The following ABCC4 variants were observed in gnomAD, a reference collection of about 807,000 sequenced individuals.
The protein encoded by ABCC4 is ATP binding cassette subfamily C member 4 (PEL blood group).
A neutral mutation model predicts 168.5 loss-of-function variants in ABCC4; 102 were observed. The ratio of observed to expected loss-of-function variants is 0.61; its 90% CI spans 0.52 to 0.71. ABCC4 has a LOEUF of 0.71. Ranked by LOEUF, ABCC4 falls within the 30% of genes least tolerant of loss-of-function variation. The pLI is 0.00. For missense variants in ABCC4, 1,402 were observed against 1,605.8 expected (o/e 0.87, Z 2.17); for synonymous variants, 617 against 590.7 (o/e 1.04, Z -0.65).
intron 29 of ABCC4, among the ~76,000 whole-genome samples, chr13:95,036,153 G>A (rs1380053262): frequency 2.0e-5 from 3 of 152,206 alleles, no homozygotes; most frequent in East Asian, 1.9e-4. Context: ...TCCTCCTGAC[G>A]AGGAAGGAAA....
intron 11 of ABCC4, among the ~76,000 whole-genome samples, chr13:95,181,238 T>C (rs377740722): frequency 6.6e-6 from 1 of 152,138 alleles, no homozygotes; most frequent in East Asian, 1.9e-4. Flanking sequence ...ACATCAACCA[T>C]GGTGACACTA....
At chr13:95,205,958 A>T (rs557302607) in intron 8 of ABCC4, among the ~76,000 whole-genome samples, 8 of 152,364 alleles carry the variant, frequency 5.3e-5, no homozygotes, top group African/African-American at 1.9e-4. Context: ...TCTGGCAGAG[A>T]TAGGTTCATC....
chr13:95,120,941 G>A (rs1025832009), intron 19 of ABCC4, among the ~76,000 whole-genome samples: 2 of 152,182 alleles, frequency 1.3e-5, no homozygotes, highest in African/African-American at 4.8e-5. Flanking sequence ...TGGGAGGGGA[G>A]GAAGCCATTT....
In ABCC4 at chr13:95,256,781, C is replaced by A. The variant is rs59178009; in HGVS notation, c.75-9028G>T. 4.4e-3 allele frequency among the ~76,000 whole-genome samples: 659 copies of A among 149,418 alleles called. 4 individuals are homozygous for A. Among genetic ancestry groups the A allele is most frequent in the African/African-American group, 0.015 (630 of 40,852 alleles). On this transcript the variant is annotated intron_variant, in intron 1 of 30. Transcript: ENST00000645237. ...TCAAAAAAAAAGAAAAAAGAAAAATCAAAAAAAAAATCTGGACATTAATTA... is the reference window on the plus strand; with the variant it reads ...TCAAAAAAAAAGAAAAAAGAAAAATAAAAAAAAAAATCTGGACATTAATTA...
At chr13:95,254,738 C>T (rs1262700393) in intron 1 of ABCC4, among the ~76,000 whole-genome samples, 1 of 152,212 alleles carries the variant, frequency 6.6e-6, no homozygotes, top group Non-Finnish European at 1.5e-5. Context: ...AAGGCTCACC[C>T]TCTGCCCCTG....
At chr13:95,196,808 T>C (rs907614958) in intron 8 of ABCC4, among the ~76,000 whole-genome samples, 3 of 152,008 alleles carry the variant, frequency 2.0e-5, no homozygotes, top group African/African-American at 7.3e-5. Context: ...CGGCAATCAT[T>C]TGTGATACTG....
intron 30 of ABCC4, among the ~76,000 whole-genome samples, chr13:95,029,811 A>G (rs1418942736): frequency 6.6e-6 from 1 of 152,204 alleles, no homozygotes; most frequent in Non-Finnish European, 1.5e-5. Flanking sequence ...CATTTAATAC[A>G]TGTTAACAGT....
intron 30 of ABCC4, among the ~76,000 whole-genome samples, chr13:95,027,503 G>C (rs2031606796): frequency 1.3e-5 from 2 of 152,074 alleles, no homozygotes; most frequent in Non-Finnish European, 2.9e-5. Flanking sequence ...TGTAGCCTGA[G>C]GTTTAAAAAG....
At chr13:95,263,315 G>T (rs890528126) in intron 1 of ABCC4, among the ~76,000 whole-genome samples, 2 of 152,052 alleles carry the variant, frequency 1.3e-5, no homozygotes, top group African/African-American at 4.8e-5. Flanking sequence ...CCTGTATTTC[G>T]CCTGGAAGCA....
rs34133084 is a variant in ABCC4 at position 95,247,918 on chromosome 13, G to GCACACACACACACA, written c.75-179_75-166dup. On this transcript the variant is annotated intron_variant, in intron 1 of 30. Coordinates refer to ENST00000645237, the MANE Select transcript of ABCC4 (RefSeq NM_005845.5). ...GCTAGAGAGAGAAAAGTTAACATGT[G>GCACACACACACACA]CACACACACACACACACACACAGTC... 9.3e-3 allele frequency among the ~76,000 whole-genome samples: 1,327 copies of GCACACACACACACA among 142,588 alleles called. 14 individuals carry two copies. Among genetic ancestry groups the GCACACACACACACA allele is most frequent in the Middle Eastern group, 0.021 (6 of 286 alleles). The allele number at this position is 142,588 out of a possible 152,430, so 93.5% of individuals were successfully genotyped here.
intron 26 of ABCC4, among the ~76,000 whole-genome samples, chr13:95,054,209 AG>A (rs1219480741): frequency 6.6e-6 from 1 of 152,078 alleles, no homozygotes; most frequent in Non-Finnish European, 1.5e-5. Context: ...TAACTAAGAA[AG>A]CAGGGTTACC....
intron 4 of ABCC4, among the ~76,000 whole-genome samples, chr13:95,234,393 T>C (rs771529645): frequency 4.6e-5 from 7 of 152,228 alleles, no homozygotes; most frequent in African/African-American, 1.2e-4. Flanking sequence ...AAAAAAAACA[T>C]TGGCCTGATG....
chr13:95,193,016 G>T (rs972320126), intron 9 of ABCC4, among the ~76,000 whole-genome samples: 1 of 152,228 alleles, frequency 6.6e-6, no homozygotes, highest in Non-Finnish European at 1.5e-5. Context: ...TGCACAAGAT[G>T]CGATGATGTT....
At chr13:95,168,688 G>A (rs2037367177) in intron 14 of ABCC4, among the ~76,000 whole-genome samples, 1 of 152,148 alleles carries the variant, frequency 6.6e-6, no homozygotes, top group Non-Finnish European at 1.5e-5. Context: ...AATTTGACCA[G>A]GGCCTGGAAC....
chr13:95,286,962 AAAAAAAAAAAG>A (rs2041272625), intron 1 of ABCC4, among the ~76,000 whole-genome samples: 1 of 150,900 alleles, frequency 6.6e-6, no homozygotes, highest in African/African-American at 2.4e-5. Context: ...GTCTCAAAAA[AAAAAAAAAAAG>A]AAAAGAAAAG....
At chr13:95,234,456 T>C (rs575964290) in intron 4 of ABCC4, among the ~76,000 whole-genome samples, 154 bp downstream of exon 4, 1 of 152,320 alleles carries the variant, frequency 6.6e-6, no homozygotes, top group South Asian at 2.1e-4. Context: ...ACAGAAGTTT[T>C]CTTCGTTTTT....
intron 21 of ABCC4, among the ~76,000 whole-genome samples, chr13:95,077,689 T>G (rs2033953918): frequency 7.0e-6 from 1 of 142,156 alleles, no homozygotes; most frequent in Admixed American, 7.0e-5. Context: ...GATGAGGGGG[T>G]AGGGTGGGGG....
At chr13:95,296,823 G>C (rs2041547487) in intron 1 of ABCC4, among the ~76,000 whole-genome samples, 1 of 152,094 alleles carries the variant, frequency 6.6e-6, no homozygotes, top group South Asian at 2.1e-4. Flanking sequence ...CATAGGCTAT[G>C]CCACTTATTT....
intron 5 of ABCC4, 72 bp downstream of exon 5, chr13:95,210,620 C>T: frequency 1.5e-6 from 2 of 1,307,570 alleles, no homozygotes; most frequent in South Asian, 2.5e-5. Flanking sequence ...TGAGCCCCTG[C>T]CTCCAGAAAG....
Sources: gnomAD v4.1 joint callset for allele counts (sites outside exome capture counted in the v4.1 genomes callset) on GRCh38, gnomAD v4.1.1 for gene constraint, MANE v1.5 for transcripts, NCBI Gene and HGNC (gene_info 2026-07-23, HGNC 2026-07-21) for gene names.